LAMA3: variants seen among roughly 807,000 people sequenced by gnomAD.
LAMA3 encodes the protein laminin subunit alpha-3.
A neutral mutation model predicts 402.0 loss-of-function variants in LAMA3; 281 were observed. That is an observed-to-expected ratio of 0.70 (90% CI 0.63 to 0.77). LAMA3 has a LOEUF of 0.77. Ranked by LOEUF, LAMA3 falls within the 30% of genes least tolerant of loss-of-function variation. The pLI, the probability that LAMA3 is intolerant of heterozygous loss-of-function variation, is 0.00. For synonymous variants in LAMA3, 1,431 were observed against 1,558.4 expected, an observed-to-expected ratio of 0.92 and a Z score of 1.93; for missense variants, 3,840 against 4,215.5, an observed-to-expected ratio of 0.91 and a Z score of 2.47.
chr18:23,761,933 T>C (rs1197186668), intron 7 of LAMA3, among the ~76,000 whole-genome samples: 2 of 152,210 alleles, frequency 1.3e-5, no homozygotes, highest in East Asian at 3.8e-4. Flanking sequence ...AAAATAAATA[T>C]ATTGCTGGGT....
intron 12 of LAMA3, among the ~76,000 whole-genome samples, chr18:23,809,151 C>G (rs933374911): frequency 6.6e-6 from 1 of 152,128 alleles, no homozygotes; most frequent in African/African-American, 2.4e-5. Context: ...TTCGGCTGTG[C>G]GAAGCATCGT....
At chr18:23,857,730 AT>A (rs1423574109) in intron 32 of LAMA3, 113 bp from the exon 33 acceptor site, 2 of 1,292,680 alleles carry the variant, frequency 1.5e-6, no homozygotes, top group South Asian at 2.4e-5. Flanking sequence ...ATAAGCAGGC[AT>A]TGTATCTATT....
intron 62 of LAMA3, among the ~76,000 whole-genome samples, chr18:23,922,976 AG>A (rs1271863048): frequency 6.6e-6 from 1 of 152,220 alleles, no homozygotes; most frequent in Non-Finnish European, 1.5e-5. Flanking sequence ...GAGGAAGCTC[AG>A]GGTGCTGACA....
chr18:23,750,334 C>T (rs542420072), intron 4 of LAMA3, among the ~76,000 whole-genome samples: 4 of 149,976 alleles, frequency 2.7e-5, no homozygotes, highest in Admixed American at 1.3e-4. Context: ...CATGTGTATG[C>T]GGTATCTTCT....
Position 23,861,677 on chromosome 18 carries a change from C to A in LAMA3, c.4454C>A (p.Thr1485Lys). 1 of 1,614,204 alleles carries A rather than the reference C, an allele frequency of 6.2e-7. No homozygotes were observed. The highest frequency in any genetic ancestry group is 8.5e-7 in the Non-Finnish European group (1 of 1,180,038). Residue 1485 changes from threonine to lysine, a missense_variant, in exon 35 of 75, where the codon ACA becomes AAA. Thr to Lys is a moderately conservative substitution (Grantham distance 78). Transcript: ENST00000313654. ...GATATGCTGGGCTGGCACCTGGAGA[C>A]AGCAGACAGAGTGGACATCCCTGTC... is the stretch of plus-strand genomic sequence containing the variant. ...FVDMLGWHLE[T>K]ADRVDIPVSF...
intron 39 of LAMA3, 68 bp from the exon 40 acceptor site, chr18:23,881,868 G>C (rs1316483261): frequency 6.9e-6 from 7 of 1,011,892 alleles, no homozygotes; most frequent in Admixed American, 1.9e-5. Flanking sequence ...GACTAAGTAA[G>C]ATTACAATAA....
At chr18:23,930,936 C>G (rs1400513558) in intron 64 of LAMA3, 126 bp from the exon 65 acceptor site, 5 of 893,700 alleles carry the variant, frequency 5.6e-6, no homozygotes, top group Non-Finnish European at 8.9e-6. Flanking sequence ...AAAAAGCAAA[C>G]TCAAAGCATT....
chr18:23,849,236 A>G (rs1427501687), intron 32 of LAMA3, among the ~76,000 whole-genome samples: 1 of 152,204 alleles, frequency 6.6e-6, no homozygotes, highest in Non-Finnish European at 1.5e-5. Context: ...CACACCTTTA[A>G]TTGTTATCTG....
In LAMA3 at chr18:23,936,717, C is replaced by A. The variant is rs2082324147; in HGVS notation, c.8863-2506C>A. On this transcript the variant is annotated intron_variant, in intron 67 of 74. Coordinates refer to ENST00000313654, the MANE Select transcript of LAMA3 (RefSeq NM_198129.4). ...GGACAGTGTAGTGAGGATGTGATTC[C>A]CAGAAGCACAAGAAGAACACAAGAT... Among the ~76,000 whole-genome samples the A allele has an allele frequency of 2.0e-5, 3 of 152,002 alleles. No homozygotes were observed. In the South Asian group the frequency reaches 6.2e-4, roughly 32 times the overall value.
At chr18:23,766,925 C>G (rs2062087861) in intron 8 of LAMA3, among the ~76,000 whole-genome samples, 1 of 152,030 alleles carries the variant, frequency 6.6e-6, no homozygotes, top group Non-Finnish European at 1.5e-5. Flanking sequence ...AAGAAAAAGT[C>G]AAACTATCTC....
Position 23,909,133 on chromosome 18 carries a change from A to C in LAMA3, c.7016-20A>C. 6.2e-7 allele frequency: 1 copy of C among 1,608,884 alleles called. No individual in the cohort carries two copies. Among genetic ancestry groups the C allele is most frequent in the Non-Finnish European group, 8.5e-7 (1 of 1,175,700 alleles). ...TCTTAATGCACAATCTTACATTTCT[A>C]TTTTTTTTCTCACCAACAGTGAATA... On this transcript the variant is annotated intron_variant, in intron 54 of 74. Coordinates refer to ENST00000313654, the MANE Select transcript of LAMA3 (RefSeq NM_198129.4).
At chr18:23,697,301 G>C (rs912272574) in intron 1 of LAMA3, among the ~76,000 whole-genome samples, 2 of 152,184 alleles carry the variant, frequency 1.3e-5, no homozygotes, top group African/African-American at 4.8e-5. Flanking sequence ...GAGGCCTCAT[G>C]GGGGAAAGCT....
intron 68 of LAMA3, among the ~76,000 whole-genome samples, chr18:23,941,616 C>A (rs888899059): frequency 6.6e-6 from 1 of 152,094 alleles, no homozygotes; most frequent in Non-Finnish European, 1.5e-5. Context: ...TTCTGACACT[C>A]CTTTAAACTG....
chr18:23,748,669 C>T (rs2061694174), intron 3 of LAMA3, among the ~76,000 whole-genome samples: 1 of 151,638 alleles, frequency 6.6e-6, no homozygotes, highest in African/African-American at 2.4e-5. Flanking sequence ...GTGGTGTGCA[C>T]CTGTGGTCCC....
At chr18:23,694,969 C>T (rs1199607837) in intron 1 of LAMA3, among the ~76,000 whole-genome samples, 1 of 152,200 alleles carries the variant, frequency 6.6e-6, no homozygotes, top group Non-Finnish European at 1.5e-5. Flanking sequence ...AAAGGCAACA[C>T]CACCATAGAA....
At chr18:23,741,088 G>C (rs895977804) in intron 2 of LAMA3, among the ~76,000 whole-genome samples, 7 of 151,978 alleles carry the variant, frequency 4.6e-5, no homozygotes, top group African/African-American at 1.7e-4. Flanking sequence ...CGAGTAGCTG[G>C]GGCTACAGGT....
Position 23,818,678 on chromosome 18 carries a change from A to AAATC in LAMA3, c.2148-1162_2148-1159dup, listed in dbSNP as rs1190250202. On this transcript the variant is annotated intron_variant, in intron 18 of 74. Transcript: ENST00000313654. ...TTCATCAAAGTAAAAAGGCAAAGAA[A>AAATC]AATCTTCATTTCTCTACCCAGAGAT... is the stretch of plus-strand genomic sequence containing the variant. 7.9e-5 allele frequency among the ~76,000 whole-genome samples: 12 copies of AAATC among 152,356 alleles called. No individual in the cohort carries two copies. The East Asian group carries it at 2.3e-3, about 29-fold the overall frequency.
At chr18:23,750,725 A>C (rs1416510233) in intron 4 of LAMA3, among the ~76,000 whole-genome samples, 193 bp from the exon 5 acceptor site, 1 of 152,114 alleles carries the variant, frequency 6.6e-6, no homozygotes, top group Non-Finnish European at 1.5e-5. Flanking sequence ...AGACCTTGGA[A>C]CCAGGAAGTG....
At chr18:23,923,954 T>TA (rs2081927034) in intron 62 of LAMA3, among the ~76,000 whole-genome samples, 1 of 152,218 alleles carries the variant, frequency 6.6e-6, no homozygotes, top group African/African-American at 2.4e-5. Flanking sequence ...TTTATTTGCC[T>TA]TTTCATCTCC....
Sources: allele counts gnomAD v4.1 joint callset (sites outside exome capture counted in the v4.1 genomes callset), GRCh38; gene constraint gnomAD v4.1.1; transcripts MANE v1.5; gene names NCBI Gene and HGNC (gene_info 2026-07-23, HGNC 2026-07-21).